YTHDF3: variants seen among roughly 807,000 people sequenced by gnomAD.
YTHDF3 encodes YTH N6-methyladenosine RNA binding protein F3.
A neutral mutation model predicts 52.5 loss-of-function variants in YTHDF3; 9 were observed. The observed-to-expected ratio is 0.17, with a 90% CI of 0.10 to 0.30. The LOEUF (loss-of-function observed/expected upper bound fraction) is 0.30. Ranked by LOEUF, YTHDF3 falls within the 10% of genes least tolerant of loss-of-function variation. The pLI, the probability that YTHDF3 is intolerant of heterozygous loss-of-function variation, is 1.00. For synonymous variants in YTHDF3, 274 were observed against 243.3 expected, an observed-to-expected ratio of 1.13 and a Z score of -1.18; for missense variants, 534 against 715.0, an observed-to-expected ratio of 0.75 and a Z score of 2.89.
chr8:63,206,742 TC>T (rs1162131326), intron 4 of YTHDF3, among the ~76,000 whole-genome samples: 1 of 152,204 alleles, frequency 6.6e-6, no homozygotes, highest in Non-Finnish European at 1.5e-5. Flanking sequence ...CAGAGACTTT[TC>T]TATTGTTTTT....
Position 63,187,741 on chromosome 8 carries a change from G to A in YTHDF3, c.1730G>A (p.Arg577His), listed in dbSNP as rs765910246. 6 of 1,601,872 alleles carry A rather than the reference G, an allele frequency of 3.7e-6. No homozygotes were observed. The highest frequency in any genetic ancestry group is 1.7e-4 in the Middle Eastern group (1 of 5,996). ...CGTCAAGAAGAGGAGGAAGCCATGC[G>A]TAGGGTAAGAATATAGTAATTTTTT... is the stretch of plus-strand genomic sequence containing the variant. Reference protein sequence around the residue: ...EKRQEEEEAMRRERNRNKQ With the variant: ...EKRQEEEEAMHRERNRNKQ The change falls in exon 4 of 5, where the codon CGT (arginine) becomes CAT (histidine). Residue 577 changes from arginine (R) to histidine (H), a missense_variant. Physicochemically the swap from Arg to His is conservative, Grantham distance 29. This residue lies in a region of YTHDF3 where 135 missense variants were observed against 214.2 expected (regional missense o/e 0.63). Transcript: ENST00000539294.
At chr8:63,184,841 G>T (rs1237037489) in intron 3 of YTHDF3, among the ~76,000 whole-genome samples, 1 of 152,176 alleles carries the variant, frequency 6.6e-6, no homozygotes, top group Non-Finnish European at 1.5e-5. Flanking sequence ...GTGAAGCTCT[G>T]TGCGGTGCTT....
intron 1 of YTHDF3, 28 bp downstream of exon 1, chr8:63,168,929 C>G: frequency 6.5e-7 from 1 of 1,549,216 alleles, no homozygotes; most frequent in South Asian, 1.2e-5. Context: ...CCAGGCTTGG[C>G]GAAGGCCCGA....
chr8:63,176,480 C>A (rs902680445), intron 3 of YTHDF3, among the ~76,000 whole-genome samples: 3 of 152,018 alleles, frequency 2.0e-5, no homozygotes, highest in Admixed American at 2.0e-4. Context: ...CAGGGTTTCA[C>A]CATGTTAGCC....
At chr8:63,185,855 T>G (rs933784697) in intron 3 of YTHDF3, among the ~76,000 whole-genome samples, 1 of 152,208 alleles carries the variant, frequency 6.6e-6, no homozygotes, top group African/African-American at 2.4e-5. Flanking sequence ...ATTTTTAAAT[T>G]GTGACAGAGG....
chr8:63,190,869 CT>C (rs1238390361), intron 4 of YTHDF3, among the ~76,000 whole-genome samples: 1 of 152,118 alleles, frequency 6.6e-6, no homozygotes. Flanking sequence ...TGAAGTTTTT[CT>C]TTTGTCACGT....
At chr8:63,187,780 G>A (rs777894596) in intron 4 of YTHDF3, 35 bp downstream of exon 4, 1 of 1,537,738 alleles carries the variant, frequency 6.5e-7, no homozygotes, top group East Asian at 2.3e-5. Flanking sequence ...TGGGGTCTTT[G>A]TATTGCTGGT....
At chr8:63,181,452 C>A (rs538380538) in intron 3 of YTHDF3, among the ~76,000 whole-genome samples, 2 of 152,274 alleles carry the variant, frequency 1.3e-5, no homozygotes, top group Admixed American at 1.3e-4. Context: ...TGCCAACTTT[C>A]TCCATCTGAT....
At chr8:63,177,326 C>T (rs1030953543) in intron 3 of YTHDF3, among the ~76,000 whole-genome samples, 3 of 152,120 alleles carry the variant, frequency 2.0e-5, no homozygotes, top group Non-Finnish European at 4.4e-5. Flanking sequence ...CCACCCCTTC[C>T]TATCTACTGA....
At chr8:63,169,460 T>TA (rs1427980247) in intron 2 of YTHDF3, 49 bp downstream of exon 2, 4 of 1,545,310 alleles carry the variant, frequency 2.6e-6, no homozygotes, top group Non-Finnish European at 2.6e-6. Flanking sequence ...GCCTTAATGT[T>TA]ACTTTTAAAC....
intron 4 of YTHDF3, among the ~76,000 whole-genome samples, chr8:63,199,266 C>G (rs1256965268): frequency 1.3e-5 from 2 of 152,116 alleles, no homozygotes; most frequent in Non-Finnish European, 2.9e-5. Flanking sequence ...GACAGAATTT[C>G]ATTTATAGTC....
upstream of YTHDF3, chr8:63,168,596 G>A (rs1475780490): frequency 3.5e-6 from 2 of 576,904 alleles, no homozygotes; most frequent in Non-Finnish European, 6.1e-6. Context: ...GAGAGCGGAA[G>A]GTCAGGGAGG....
At chr8:63,180,808 C>G (rs1201569392) in intron 3 of YTHDF3, among the ~76,000 whole-genome samples, 1 of 152,214 alleles carries the variant, frequency 6.6e-6, no homozygotes, top group Non-Finnish European at 1.5e-5. Context: ...CCCGTCTACA[C>G]CAAAAAAATA....
chr8:63,175,221 A>G, intron 2 of YTHDF3, 110 bp from the exon 3 acceptor site: 1 of 726,498 alleles, frequency 1.4e-6, no homozygotes, highest in Non-Finnish European at 2.3e-6. Context: ...ATAACTCAGT[A>G]TTATTTTTTC....
In YTHDF3 at chr8:63,179,868, C is replaced by T. The variant is rs1333488501; in HGVS notation, c.135+4452C>T. Among the ~76,000 whole-genome samples, 29 of 151,538 alleles carry T rather than the reference C, an allele frequency of 1.9e-4. 1 individual carries two copies. The highest frequency in any genetic ancestry group is 9.8e-4 in the Admixed American group (15 of 15,264). ...GGGGGCTGACCCTCCCACCTCCCCC[C>T]GGATGGGGCGGCCGGCCAGGCAGAG... On this transcript the variant is annotated intron_variant, in intron 3 of 4. Coordinates refer to ENST00000539294, the MANE Select transcript of YTHDF3 (RefSeq NM_152758.6).
chr8:63,189,429 A>G (rs1439830873), intron 4 of YTHDF3, among the ~76,000 whole-genome samples: 2 of 152,182 alleles, frequency 1.3e-5, no homozygotes, highest in African/African-American at 4.8e-5. Context: ...AGTAGGGGTA[A>G]AGTTAGAAGC....
At chr8:63,175,515 GATTC>G (rs770413810) in intron 3 of YTHDF3, 99 bp downstream of exon 3, 12 of 973,150 alleles carry the variant, frequency 1.2e-5, no homozygotes, top group Non-Finnish European at 1.7e-5. Flanking sequence ...CCATAACATG[GATTC>G]ATTCATCTAG....
At chr8:63,181,945 A>G (rs1011177020) in intron 3 of YTHDF3, among the ~76,000 whole-genome samples, 10 of 152,210 alleles carry the variant, frequency 6.6e-5, no homozygotes, top group African/African-American at 2.4e-4. Flanking sequence ...ACTTTTAGAA[A>G]ATTATAATAG....
At chr8:63,182,955 C>CTT (rs11381385) in intron 3 of YTHDF3, among the ~76,000 whole-genome samples, 3,340 of 143,428 alleles carry the variant, frequency 0.023, 49 homozygotes, top group African/African-American at 0.031. Flanking sequence ...ACAGTTTTAT[C>CTT]TTTTTTTTTT....
Sources: allele counts gnomAD v4.1 joint callset (sites outside exome capture counted in the v4.1 genomes callset), GRCh38; gene constraint gnomAD v4.1.1; regional missense constraint gnomAD v4.1.1; transcripts MANE v1.5; gene names NCBI Gene and HGNC (gene_info 2026-07-23, HGNC 2026-07-21).